Variants in DLG2 observed in about 807,000 individuals in gnomAD.
The protein encoded by DLG2 is discs large MAGUK scaffold protein 2.
DLG2 carries 45 observed loss-of-function variants against 132.5 expected under a neutral mutation model. The observed-to-expected ratio is 0.34, with a 90% CI of 0.27 to 0.44. The LOEUF is 0.44. Ranked by LOEUF, DLG2 falls within the 20% of genes least tolerant of loss-of-function variation. The pLI is 1.00. For synonymous variants in DLG2, 424 were observed against 419.6 expected (o/e 1.01, Z -0.13); for missense variants, 1,045 against 1,196.9 (o/e 0.87, Z 1.87).
chr11:83,912,109 A>G (rs1374562168), intron 15 of DLG2, among the ~76,000 whole-genome samples: 1 of 151,938 alleles, frequency 6.6e-6, no homozygotes, highest in Non-Finnish European at 1.5e-5. Flanking sequence ...CATATAATGC[A>G]GCTATATAGA....
chr11:85,215,932 A>G (rs2082560256), intron 4 of DLG2, among the ~76,000 whole-genome samples: 1 of 152,070 alleles, frequency 6.6e-6, no homozygotes, highest in Non-Finnish European at 1.5e-5. Flanking sequence ...AATATACACA[A>G]TGCTTGTCTT....
chr11:85,432,636 G>C lies in DLG2; in HGVS notation c.41-147271C>G, dbSNP rs760830547. On this transcript the variant is annotated intron_variant, in intron 3 of 27. Coordinates refer to ENST00000376104, the MANE Select transcript of DLG2 (RefSeq NM_001142699.3). The stretch of plus-strand genomic sequence containing the variant: ...AGACTAGAGAAAAAACAATGAAAAT[G>C]AACAAACCAAACCTCCCAGAAATAC... 3.3e-5 allele frequency among the ~76,000 whole-genome samples: 5 copies of C among 151,944 alleles called. 1 individual carries two copies. Among genetic ancestry groups the C allele is most frequent in the African/African-American group, 4.8e-5 (2 of 41,380 alleles).
chr11:83,712,216 T>C (rs143779980), intron 18 of DLG2, among the ~76,000 whole-genome samples: 1 of 152,208 alleles, frequency 6.6e-6, no homozygotes, highest in Non-Finnish European at 1.5e-5. Context: ...ACGTGTATGT[T>C]CACTGCAGCA....
intron 9 of DLG2, among the ~76,000 whole-genome samples, chr11:84,099,483 ATTG>A (rs1028019875): frequency 9.9e-5 from 15 of 152,138 alleles, no homozygotes; most frequent in African/African-American, 3.6e-4. Context: ...TATTTCTGGT[ATTG>A]TTGTTCTAAT....
At chr11:85,130,481 A>C (rs1253253281) in intron 5 of DLG2, among the ~76,000 whole-genome samples, 1 of 152,166 alleles carries the variant, frequency 6.6e-6, no homozygotes, top group Non-Finnish European at 1.5e-5. Context: ...TGCTATTACC[A>C]ATGGAAATAT....
intron 7 of DLG2, among the ~76,000 whole-genome samples, chr11:84,515,518 C>A (rs1293395989): frequency 6.6e-6 from 1 of 151,752 alleles, no homozygotes; most frequent in African/African-American, 2.4e-5. Flanking sequence ...ATAAGGGGTT[C>A]AATTCAGCAA....
intron 18 of DLG2, among the ~76,000 whole-genome samples, chr11:83,759,879 A>G (rs912655993): frequency 1.1e-4 from 16 of 152,220 alleles, no homozygotes; most frequent in African/African-American, 3.4e-4. Context: ...TTACCAGCTC[A>G]GCTCAGCTCT....
At chr11:83,731,993 A>G (rs1185939282) in intron 18 of DLG2, among the ~76,000 whole-genome samples, 2 of 152,236 alleles carry the variant, frequency 1.3e-5, no homozygotes, top group African/African-American at 2.4e-5. Flanking sequence ...TGTCAATGTT[A>G]CTAGTGCTTT....
intron 15 of DLG2, among the ~76,000 whole-genome samples, chr11:83,914,132 G>C (rs887559578): frequency 6.6e-6 from 1 of 152,132 alleles, no homozygotes; most frequent in African/African-American, 2.4e-5. Context: ...AGTGTTGGAG[G>C]TGGGGCCTGG....
At chr11:83,979,456 T>A (rs2092586116) in intron 12 of DLG2, among the ~76,000 whole-genome samples, 1 of 152,220 alleles carries the variant, frequency 6.6e-6, no homozygotes, top group Non-Finnish European at 1.5e-5. Flanking sequence ...CAATATTCGA[T>A]TATTATCCTG....
chr11:85,476,845 T>G (rs2093158225), intron 3 of DLG2, among the ~76,000 whole-genome samples: 1 of 152,134 alleles, frequency 6.6e-6, no homozygotes, highest in African/African-American at 2.4e-5. Context: ...GTTGTTCAGT[T>G]AACTTTTTTT....
At chr11:84,160,702 A>G (rs2095527588) in intron 9 of DLG2, among the ~76,000 whole-genome samples, 1 of 152,198 alleles carries the variant, frequency 6.6e-6, no homozygotes, top group Non-Finnish European at 1.5e-5. Flanking sequence ...ATTGCAGAAG[A>G]GAGAGGAGAT....
chr11:85,067,983 A>G (rs2065188434), intron 6 of DLG2, among the ~76,000 whole-genome samples: 1 of 152,132 alleles, frequency 6.6e-6, no homozygotes, highest in African/African-American at 2.4e-5. Context: ...CCTGGGACGC[A>G]AGGCTGTTTC....
chr11:84,551,001 G>T (rs1411125260), intron 6 of DLG2, among the ~76,000 whole-genome samples: 1 of 152,096 alleles, frequency 6.6e-6, no homozygotes, highest in Non-Finnish European at 1.5e-5. Flanking sequence ...ACTGTGAATT[G>T]TCTCTGGTGG....
At chr11:84,721,962 G>A (rs1231897871) in intron 6 of DLG2, among the ~76,000 whole-genome samples, 2 of 152,176 alleles carry the variant, frequency 1.3e-5, no homozygotes, top group Non-Finnish European at 2.9e-5. Context: ...AGCTTCAGAG[G>A]TAGATATTAT....
chr11:84,391,158 A>T (rs893048982), intron 7 of DLG2, among the ~76,000 whole-genome samples: 6 of 152,186 alleles, frequency 3.9e-5, no homozygotes, highest in African/African-American at 1.2e-4. Context: ...CCAAATACTC[A>T]TCAGTAGGAA....
chr11:84,663,854 C>T (rs1000658369), intron 6 of DLG2, among the ~76,000 whole-genome samples: 5 of 152,098 alleles, frequency 3.3e-5, no homozygotes, highest in African/African-American at 1.2e-4. Flanking sequence ...CAGCCAATTC[C>T]ACTCCTGCTA....
chr11:85,549,053 C>T (rs78198666), intron 3 of DLG2, among the ~76,000 whole-genome samples: 5,435 of 152,156 alleles, frequency 0.036, 147 homozygotes, highest in Admixed American at 0.052. Context: ...AAAACTCCTG[C>T]GGCTAGTTCA....
chr11:84,360,215 T>C lies in DLG2; in HGVS notation c.520-108924A>G, dbSNP rs547667568. 3.3e-5 allele frequency among the ~76,000 whole-genome samples: 5 copies of C among 152,030 alleles called. No homozygotes were observed. In the South Asian group the frequency reaches 1.0e-3, roughly 32 times the overall value. On this transcript the variant is annotated intron_variant, in intron 7 of 27. Transcript: ENST00000376104. ...TTATAGCCACATTATCTCAATTTTTTTTAAAGAAATCCAATTCTAAAAAAA... is the reference window on the plus strand; with the variant it reads ...TTATAGCCACATTATCTCAATTTTTCTTAAAGAAATCCAATTCTAAAAAAA...
Sources: allele counts gnomAD v4.1 joint callset (sites outside exome capture counted in the v4.1 genomes callset), GRCh38; gene constraint gnomAD v4.1.1; transcripts MANE v1.5; gene names NCBI Gene and HGNC (gene_info 2026-07-23, HGNC 2026-07-21).